ASPRV1: variants seen among roughly 807,000 people sequenced by gnomAD.
The protein encoded by ASPRV1 is retroviral-like aspartic protease 1.
Under a neutral mutation model 11.0 loss-of-function variants are expected in ASPRV1, and 7 were observed. The observed-to-expected ratio is 0.64, with a 90% CI of 0.36 to 1.20. ASPRV1 has a LOEUF of 1.20. ASPRV1 is among the 50% of genes most tolerant of loss of function. The pLI, the probability that ASPRV1 is intolerant of heterozygous loss-of-function variation, is 0.02. For synonymous variants in ASPRV1, 136 were observed against 138.4 expected (o/e 0.98, Z 0.12); for missense variants, 299 against 320.0 (o/e 0.93, Z 0.50).
chr2:70,059,060 TG>T, the ASPRV1 span, among the ~76,000 whole-genome samples: 5 of 151,344 alleles, frequency 3.3e-5, no homozygotes, highest in Admixed American at 6.6e-5. Context: ...GCTAATTTTT[TG>T]TATTTTTTTT....
chr2:70,042,922 A>C, the ASPRV1 span, among the ~76,000 whole-genome samples: 11 of 152,220 alleles, frequency 7.2e-5, no homozygotes, highest in East Asian at 1.9e-4. Flanking sequence ...AGTGCTCCAG[A>C]CTTAGAATAG....
the ASPRV1 span, among the ~76,000 whole-genome samples, chr2:69,944,043 G>C: frequency 6.6e-6 from 1 of 152,192 alleles, no homozygotes; most frequent in Admixed American, 6.5e-5. Context: ...TCTCCAAAGA[G>C]TAGGGGTGGC....
At chr2:70,013,491 A>G in the ASPRV1 span, among the ~76,000 whole-genome samples, 6 of 152,358 alleles carry the variant, frequency 3.9e-5, no homozygotes, top group South Asian at 1.2e-3. Context: ...CGAGAATCCA[A>G]CTATCTTCTA....
the ASPRV1 span, among the ~76,000 whole-genome samples, chr2:70,072,707 G>T: frequency 6.6e-6 from 1 of 151,774 alleles, no homozygotes; most frequent in African/African-American, 2.4e-5. Context: ...GGGCGACAGA[G>T]CAAGATTTCG....
the ASPRV1 span, among the ~76,000 whole-genome samples, chr2:70,025,423 A>AGAG: frequency 1.1e-4 from 16 of 151,904 alleles, no homozygotes; most frequent in African/African-American, 2.2e-4. Flanking sequence ...AAAAGAGAAA[A>AGAG]GAGGAGGAGG....
At chr2:70,055,200 G>A in the ASPRV1 span, among the ~76,000 whole-genome samples, 1 of 151,974 alleles carries the variant, frequency 6.6e-6, no homozygotes, top group Non-Finnish European at 1.5e-5. Context: ...CTACTCAGGA[G>A]GGCTGAGGCA....
At chr2:69,958,660 G>T (rs967148339), downstream of ASPRV1, among the ~76,000 whole-genome samples, 3 of 152,132 alleles carry the variant, frequency 2.0e-5, no homozygotes, top group African/African-American at 7.2e-5. Flanking sequence ...TCACAGGGAG[G>T]TGCCACCTGG....
chr2:70,037,090 C>G, the ASPRV1 span, among the ~76,000 whole-genome samples: 3 of 152,102 alleles, frequency 2.0e-5, no homozygotes, highest in Non-Finnish European at 2.9e-5. Flanking sequence ...AAATGGAAAT[C>G]TCCAGCCTAT....
chr2:69,959,144 C>T (rs920442731), downstream of ASPRV1, among the ~76,000 whole-genome samples: 3 of 152,184 alleles, frequency 2.0e-5, no homozygotes, highest in African/African-American at 7.2e-5. Context: ...GTCTCTCCCT[C>T]AGGAGCTGTC....
At chr2:70,074,133 C>CAAA in the ASPRV1 span, among the ~76,000 whole-genome samples, 12 of 7,818 alleles carry the variant, frequency 1.5e-3, 1 homozygote, top group East Asian at 4.6e-3. Context: ...AACTTCATCT[C>CAAA]AAAAAAAAAA....
the ASPRV1 span, chr2:69,993,703 A>C: frequency 6.6e-6 from 1 of 152,236 alleles, no homozygotes; most frequent in South Asian, 2.1e-4. Context: ...CATAGTCCCT[A>C]ATGACTTAAA....
chr2:69,967,455 G>C, the ASPRV1 span, among the ~76,000 whole-genome samples: 63 of 152,262 alleles, frequency 4.1e-4, no homozygotes, highest in African/African-American at 1.2e-3. Flanking sequence ...CCAAAATCTT[G>C]GATTAATTTT....
chr2:70,086,741 G>T, the ASPRV1 span, among the ~76,000 whole-genome samples: 1 of 152,262 alleles, frequency 6.6e-6, no homozygotes, highest in Admixed American at 6.5e-5. Flanking sequence ...GGCTTTAACC[G>T]AAAGAAACTT....
the ASPRV1 span, among the ~76,000 whole-genome samples, chr2:70,083,984 G>C: frequency 6.6e-6 from 1 of 152,102 alleles, no homozygotes; most frequent in Non-Finnish European, 1.5e-5. Flanking sequence ...CAAGGTGTCT[G>C]TATGACATGT....
chr2:69,973,385 TG>T, the ASPRV1 span, among the ~76,000 whole-genome samples: 1 of 152,162 alleles, frequency 6.6e-6, no homozygotes, highest in Non-Finnish European at 1.5e-5. Context: ...CTTCACTTGT[TG>T]TTTTTTTTTT....
chr2:69,982,070 TCCATCCATC>T, the ASPRV1 span, among the ~76,000 whole-genome samples: 1 of 151,700 alleles, frequency 6.6e-6, no homozygotes, highest in East Asian at 1.9e-4. Flanking sequence ...CATCCATCCA[TCCATCCATC>T]CATCCTTCCA....
At chr2:70,004,060 G>A in the ASPRV1 span, among the ~76,000 whole-genome samples, 2 of 152,196 alleles carry the variant, frequency 1.3e-5, no homozygotes, top group Non-Finnish European at 2.9e-5. Context: ...GGGTGTTTGA[G>A]AGGAATCCCA....
chr2:69,961,587 C>G lies in ASPRV1; in HGVS notation c.-151G>C, dbSNP rs147712278. On this transcript the variant is annotated 5_prime_UTR_variant, in exon 1 of 1. Coordinates refer to ENST00000320256, the MANE Select transcript of ASPRV1 (RefSeq NM_152792.4). Reference sequence around the variant, plus strand: ...CCTTGGGCAAGCAGGAGGGAGCAGGCGCGGTCGGCTGGCTGACTGCTGGGG... The same window carrying G: ...CCTTGGGCAAGCAGGAGGGAGCAGGGGCGGTCGGCTGGCTGACTGCTGGGG... The G allele has an allele frequency of 1.9e-6, 3 of 1,613,182 alleles. No individual in the cohort carries two copies. Among genetic ancestry groups the G allele is most frequent in the Non-Finnish European group, 2.5e-6 (3 of 1,179,380 alleles).
the ASPRV1 span, chr2:69,938,065 A>T: frequency 6.2e-7 from 1 of 1,604,598 alleles, no homozygotes; most frequent in Non-Finnish European, 8.5e-7. Flanking sequence ...GAGCGCTTTC[A>T]TCAATGTCCT....
Sources: gnomAD v4.1 joint callset for allele counts (sites outside exome capture counted in the v4.1 genomes callset) on GRCh38, gnomAD v4.1.1 for gene constraint, MANE v1.5 for transcripts, NCBI Gene and HGNC (gene_info 2026-07-23, HGNC 2026-07-21) for gene names.